The following RAD51B variants were observed in gnomAD, a reference collection of about 807,000 sequenced individuals.
RAD51B encodes DNA repair protein RAD51 homolog 2.
Under a neutral mutation model 42.2 loss-of-function variants are expected in RAD51B, and 38 were observed. The ratio of observed to expected loss-of-function variants is 0.90; its 90% CI spans 0.70 to 1.18. The LOEUF is 1.18. Among genes scored for constraint, RAD51B ranks in the 50% most tolerant of loss-of-function variants. The pLI is 0.00. For synonymous variants in RAD51B, 154 were observed against 145.2 expected, an observed-to-expected ratio of 1.06 and a Z score of -0.43; for missense variants, 373 against 400.7, an observed-to-expected ratio of 0.93 and a Z score of 0.59.
intron 10 of RAD51B, among the ~76,000 whole-genome samples, chr14:68,484,421 G>A (rs547400599): frequency 2.0e-5 from 3 of 147,144 alleles, no homozygotes; most frequent in Non-Finnish European, 4.5e-5. Flanking sequence ...ACAGTGGCGC[G>A]ATCTCAGCTC....
At chr14:67,835,219 C>T in intron 4 of RAD51B, 23 bp downstream of exon 4, 5 of 1,527,164 alleles carry the variant, frequency 3.3e-6, no homozygotes, top group Non-Finnish European at 4.5e-6. Context: ...TTTTTCGTAC[C>T]TTCTTCCATT....
At chr14:67,980,780 C>T (rs2075077050) in intron 7 of RAD51B, among the ~76,000 whole-genome samples, 1 of 152,074 alleles carries the variant, frequency 6.6e-6, no homozygotes, top group East Asian at 1.9e-4. Context: ...CTATAAAACT[C>T]CTTAAAGAAT....
chr14:68,596,605 G>T (rs146784763), downstream of RAD51B, among the ~76,000 whole-genome samples: 5 of 152,280 alleles, frequency 3.3e-5, no homozygotes, highest in Admixed American at 3.3e-4. Context: ...ATGAGTGGAC[G>T]AAGGGAGTAA....
chr14:68,027,513 CT>C (rs1267284108), intron 7 of RAD51B, among the ~76,000 whole-genome samples: 2 of 151,966 alleles, frequency 1.3e-5, no homozygotes, highest in African/African-American at 2.4e-5. Flanking sequence ...GCTCATATTT[CT>C]TGAATATTTT....
At chr14:68,421,905 A>T in intron 9 of RAD51B, 1 of 1,583,672 alleles carries the variant, frequency 6.3e-7, no homozygotes, top group Non-Finnish European at 8.7e-7. Flanking sequence ...CATGGACAAG[A>T]TGCCAGGACC....
At chr14:67,963,436 A>G (rs1030208396) in intron 7 of RAD51B, among the ~76,000 whole-genome samples, 1 of 152,164 alleles carries the variant, frequency 6.6e-6, no homozygotes. Flanking sequence ...TTGAATTTAT[A>G]TAATGAGAAT....
intron 7 of RAD51B, among the ~76,000 whole-genome samples, chr14:67,906,976 A>C (rs1290646622): frequency 1.3e-5 from 2 of 151,772 alleles, no homozygotes; most frequent in African/African-American, 4.8e-5. Flanking sequence ...TACCCGGCTA[A>C]TTTTGTATTT....
At chr14:68,049,922 T>C (rs2076365176) in intron 7 of RAD51B, among the ~76,000 whole-genome samples, 1 of 152,216 alleles carries the variant, frequency 6.6e-6, no homozygotes, top group Non-Finnish European at 1.5e-5. Context: ...CTTACACTTT[T>C]ATTTCCGGCT....
intron 9 of RAD51B, among the ~76,000 whole-genome samples, chr14:68,434,610 G>A (rs557043384): frequency 3.3e-5 from 5 of 152,254 alleles, no homozygotes; most frequent in Admixed American, 6.5e-5. Context: ...GTATTAGGGT[G>A]AGAGTGACCT....
chr14:68,546,502 A>G (rs1043514522), intron 10 of RAD51B, among the ~76,000 whole-genome samples: 2 of 152,370 alleles, frequency 1.3e-5, no homozygotes, highest in African/African-American at 2.4e-5. Flanking sequence ...TGAGACAACC[A>G]TAGAATGTTC....
chr14:68,369,511 G>A (rs2139943271), intron 8 of RAD51B, among the ~76,000 whole-genome samples: 1 of 152,328 alleles, frequency 6.6e-6, no homozygotes, highest in East Asian at 1.9e-4. Flanking sequence ...GGTAAAAAGT[G>A]AAACTGGGGT....
At chr14:68,391,399 A>G (rs1002661366) in intron 8 of RAD51B, among the ~76,000 whole-genome samples, 8 of 151,862 alleles carry the variant, frequency 5.3e-5, no homozygotes, top group African/African-American at 1.9e-4. Flanking sequence ...AATATTTCCA[A>G]CTCGCTGGGG....
At chr14:68,355,156 C>T (rs922752916) in intron 8 of RAD51B, among the ~76,000 whole-genome samples, 2 of 152,110 alleles carry the variant, frequency 1.3e-5, no homozygotes, top group African/African-American at 4.8e-5. Flanking sequence ...TTTGGTGGGA[C>T]TAGTACAGAT....
chr14:68,414,175 A>G (rs907004113), intron 9 of RAD51B, among the ~76,000 whole-genome samples: 1 of 152,090 alleles, frequency 6.6e-6, no homozygotes, highest in African/African-American at 2.4e-5. Flanking sequence ...CTGGCTGATT[A>G]TTTTCTTTAC....
At chr14:67,988,865 T>G (rs1194833553) in intron 7 of RAD51B, among the ~76,000 whole-genome samples, 1 of 152,260 alleles carries the variant, frequency 6.6e-6, no homozygotes, top group East Asian at 1.9e-4. Context: ...AAATATAGTT[T>G]GTAATGTATA....
chr14:67,910,473 A>G (rs1224332023), intron 7 of RAD51B, among the ~76,000 whole-genome samples: 3 of 150,878 alleles, frequency 2.0e-5, no homozygotes, highest in Non-Finnish European at 4.4e-5. Flanking sequence ...TTCACTGAAG[A>G]AATTGTAAAA....
chr14:68,043,908 A>G (rs1189838935), intron 7 of RAD51B, among the ~76,000 whole-genome samples: 1 of 152,230 alleles, frequency 6.6e-6, no homozygotes, highest in East Asian at 1.9e-4. Flanking sequence ...TACTGTTTGC[A>G]GAAAAGGTTG....
chr14:68,032,118 G>A (rs2076055984), intron 7 of RAD51B, among the ~76,000 whole-genome samples: 2 of 152,158 alleles, frequency 1.3e-5, no homozygotes, highest in South Asian at 2.1e-4. Flanking sequence ...GTTTTCTTGT[G>A]TGTTGAAGAT....
chr14:68,448,481 A>G (rs2085475240), intron 9 of RAD51B, among the ~76,000 whole-genome samples: 1 of 152,178 alleles, frequency 6.6e-6, no homozygotes, highest in African/African-American at 2.4e-5. Context: ...CAGGGACCTC[A>G]TCATGTTCAT....
Sources: gnomAD v4.1 joint callset for allele counts (sites outside exome capture counted in the v4.1 genomes callset) on GRCh38, gnomAD v4.1.1 for gene constraint, MANE v1.5 for transcripts, NCBI Gene and HGNC (gene_info 2026-07-23, HGNC 2026-07-21) for gene names.